ARHGAP10: variants seen among roughly 807,000 people sequenced by gnomAD.
The protein encoded by ARHGAP10 is Rho GTPase activating protein 10, also known as rho GTPase-activating protein 10.
A neutral mutation model predicts 108.6 loss-of-function variants in ARHGAP10; 87 were observed. That is an observed-to-expected ratio of 0.80 (90% CI 0.67 to 0.96). The LOEUF is 0.96. ARHGAP10 is among the 40% of genes least tolerant of loss of function. The probability of loss-of-function intolerance (pLI) is 0.00; values close to 1 mark genes in which losing one functional copy is unlikely to be tolerated. For synonymous variants in ARHGAP10, 347 were observed against 341.1 expected (o/e 1.02, Z -0.19); for missense variants, 939 against 954.5 (o/e 0.98, Z 0.21).
rs76749408 is a variant in ARHGAP10, at chr4:147,890,190, G to A, written c.1034+8258G>A. ...TAAGGTTGGGAAATTGCTGTCTTTTGTTTTCAGAGGTCCATGAGTTGTTTT... is the reference window on the plus strand; with the variant it reads ...TAAGGTTGGGAAATTGCTGTCTTTTATTTTCAGAGGTCCATGAGTTGTTTT... On this transcript the variant is annotated intron_variant, in intron 10 of 22. Transcript: ENST00000336498. Among the ~76,000 whole-genome samples, 12 of 152,328 alleles carry A rather than the reference G, an allele frequency of 7.9e-5. No homozygotes were observed. The South Asian group carries it at 2.1e-3, about 26-fold the overall frequency.
At chr4:147,749,554 T>C (rs964411516) in intron 1 of ARHGAP10, among the ~76,000 whole-genome samples, 5 of 152,270 alleles carry the variant, frequency 3.3e-5, no homozygotes, top group Admixed American at 6.5e-5. Flanking sequence ...TTAGAACATA[T>C]GTATTTTCTA....
chr4:148,063,006 A>G, intron 20 of ARHGAP10, 142 bp from the exon 21 acceptor site: 1 of 1,022,472 alleles, frequency 9.8e-7, no homozygotes, highest in Non-Finnish European at 1.4e-6. Flanking sequence ...CAGCCCCGGC[A>G]GGATGCAGAG....
intron 18 of ARHGAP10, among the ~76,000 whole-genome samples, chr4:148,003,094 C>T (rs2149647147): frequency 6.6e-6 from 1 of 152,262 alleles, no homozygotes; most frequent in Middle Eastern, 3.4e-3. Context: ...AAATGTGTCC[C>T]AGAGATTCTG....
chr4:147,900,533 GA>G (rs556269120), intron 10 of ARHGAP10, among the ~76,000 whole-genome samples: 13 of 152,092 alleles, frequency 8.5e-5, no homozygotes, highest in Non-Finnish European at 1.6e-4. Context: ...TGCTGTATGT[GA>G]TGAGTTATCC....
chr4:147,965,237 G>C, intron 17 of ARHGAP10, 108 bp downstream of exon 17: 1 of 702,422 alleles, frequency 1.4e-6, no homozygotes, highest in Non-Finnish European at 2.3e-6. Flanking sequence ...GGAAGGGCAG[G>C]CTGAACGTTT....
At chr4:148,068,379 GAC>G (rs1397783074) in intron 22 of ARHGAP10, among the ~76,000 whole-genome samples, 1 of 152,144 alleles carries the variant, frequency 6.6e-6, no homozygotes, top group Non-Finnish European at 1.5e-5. Context: ...GTCTCAGATA[GAC>G]ACAGAATAAT....
intron 1 of ARHGAP10, among the ~76,000 whole-genome samples, chr4:147,740,408 T>C (rs1010589811): frequency 1.3e-5 from 2 of 152,164 alleles, no homozygotes; most frequent in Admixed American, 6.5e-5. Flanking sequence ...ATGAGCTGTC[T>C]CTGTAAAGGG....
chr4:147,995,008 C>T (rs1740418484), intron 18 of ARHGAP10, among the ~76,000 whole-genome samples: 1 of 152,162 alleles, frequency 6.6e-6, no homozygotes, highest in Admixed American at 6.5e-5. Context: ...TCTGTGGTTC[C>T]CGCAGAACTG....
intron 19 of ARHGAP10, among the ~76,000 whole-genome samples, chr4:148,027,725 A>G (rs1336838002): frequency 6.6e-6 from 1 of 152,214 alleles, no homozygotes; most frequent in Non-Finnish European, 1.5e-5. Flanking sequence ...TCACACGTCA[A>G]CGAGAGCAAT....
At chr4:147,892,792 A>T (rs945249155) in intron 10 of ARHGAP10, among the ~76,000 whole-genome samples, 3 of 152,166 alleles carry the variant, frequency 2.0e-5, no homozygotes, top group Non-Finnish European at 4.4e-5. Context: ...CTCCTAGGGG[A>T]CACTGGGCAA....
At chr4:147,930,039 C>T (rs1199251733) in intron 13 of ARHGAP10, among the ~76,000 whole-genome samples, 1 of 152,128 alleles carries the variant, frequency 6.6e-6, no homozygotes, top group African/African-American at 2.4e-5. Context: ...ACATTAATGA[C>T]CTTTTGCCCC....
chr4:147,874,555 G>T (rs1734983293), intron 7 of ARHGAP10, among the ~76,000 whole-genome samples: 1 of 152,138 alleles, frequency 6.6e-6, no homozygotes, highest in Non-Finnish European at 1.5e-5. Flanking sequence ...AGTTTGCAAA[G>T]AAGAATTAAA....
At position 147,994,958 on chromosome 4, in the gene ARHGAP10, C is replaced by G. The variant is rs1578770475; in HGVS notation, c.1716+28119C>G. ...TATTGATGGGTCGACGTGGAAAGGT[C>G]CTCTGAGTGAGAATTGTTTCTTGTG... On this transcript the variant is annotated intron_variant, in intron 18 of 22. Transcript: ENST00000336498. Among the ~76,000 whole-genome samples, 6 of 152,280 alleles carry G rather than the reference C, an allele frequency of 3.9e-5. No individual in the cohort carries two copies. The South Asian group carries it at 1.2e-3, about 32-fold the overall frequency.
At chr4:147,909,629 C>G (rs1002287047) in intron 11 of ARHGAP10, 103 bp from the exon 12 acceptor site, 1 of 972,952 alleles carries the variant, frequency 1.0e-6, no homozygotes, top group African/African-American at 1.7e-5. Context: ...CAGAATCAAG[C>G]TTATAAAAAT....
At chr4:147,809,372 C>A (rs182797542) in intron 1 of ARHGAP10, among the ~76,000 whole-genome samples, 1 of 152,060 alleles carries the variant, frequency 6.6e-6, no homozygotes, top group Non-Finnish European at 1.5e-5. Context: ...TTTTCTTGAT[C>A]TTAAATTAGC....
At chr4:147,894,277 G>A (rs1285722469) in intron 10 of ARHGAP10, among the ~76,000 whole-genome samples, 1 of 152,136 alleles carries the variant, frequency 6.6e-6, no homozygotes, top group Non-Finnish European at 1.5e-5. Flanking sequence ...CTTTGGTTAT[G>A]TTACTCTTTT....
rs537922651 is a variant in ARHGAP10 at position 148,067,018 on chromosome 4, C to T, written c.2272+2511C>T. ...CAGGACTTTGCTGGCTGGGGCACCC[C>T]GGGTGTCTCAGGAGCTCCTCGTTCT... On this transcript the variant is annotated intron_variant, in intron 22 of 22. Coordinates refer to ENST00000336498, the MANE Select transcript of ARHGAP10 (RefSeq NM_024605.4). Among the ~76,000 whole-genome samples, 10 of 152,162 alleles carry T rather than the reference C, an allele frequency of 6.6e-5. 1 individual carries two copies. The highest frequency in any genetic ancestry group is 1.4e-4 in the African/African-American group (6 of 41,436).
At chr4:147,943,723 G>A (rs754669240) in intron 14 of ARHGAP10, among the ~76,000 whole-genome samples, 16 of 152,314 alleles carry the variant, frequency 1.1e-4, no homozygotes, top group Non-Finnish European at 1.6e-4. Flanking sequence ...GGTAGAACAT[G>A]TATTCTGAAT....
At chr4:147,909,693 T>G in intron 11 of ARHGAP10, 39 bp from the exon 12 acceptor site, 1 of 1,563,054 alleles carries the variant, frequency 6.4e-7, no homozygotes, top group Non-Finnish European at 8.8e-7. Flanking sequence ...TTTTGCTGAT[T>G]TGATTAAAAA....
Sources: allele counts gnomAD v4.1 joint callset (sites outside exome capture counted in the v4.1 genomes callset), GRCh38; gene constraint gnomAD v4.1.1; transcripts MANE v1.5; gene names NCBI Gene and HGNC (gene_info 2026-07-23, HGNC 2026-07-21).